CNTNAP2: variants seen among roughly 807,000 people sequenced by gnomAD.
CNTNAP2 encodes the protein contactin-associated protein-like 2.
In CNTNAP2, 98 loss-of-function variants were observed where a neutral mutation model predicts 155.2. The ratio of observed to expected loss-of-function variants is 0.63; its 90% CI spans 0.54 to 0.75. The LOEUF (loss-of-function observed/expected upper bound fraction) is 0.75, where lower values mean the gene tolerates loss of function less well. CNTNAP2 is among the 30% of genes least tolerant of loss of function. The pLI is 0.00. For missense variants in CNTNAP2, 1,727 were observed against 1,688.1 expected (o/e 1.02, Z -0.40); for synonymous variants, 651 against 631.2 (o/e 1.03, Z -0.47).
chr7:146,231,727 C>T (rs542760802), intron 1 of CNTNAP2, among the ~76,000 whole-genome samples: 7 of 152,232 alleles, frequency 4.6e-5, no homozygotes, highest in Non-Finnish European at 1.0e-4. Context: ...TCTATAATTG[C>T]TCTGATGAAG....
rs117300141 is a variant in CNTNAP2, at chr7:148,128,960, A to G, written c.2554+10672A>G. Among the ~76,000 whole-genome samples, 1,056 of 152,126 alleles carry G rather than the reference A, an allele frequency of 6.9e-3. 8 individuals are homozygous for G. Among genetic ancestry groups the G allele is most frequent in the South Asian group, 0.02 (97 of 4,814 alleles). On this transcript the variant is annotated intron_variant, in intron 16 of 23. Transcript: ENST00000361727. ...ACATCGCCTTTCCTCCCCATCGTGG[A>G]GGGTACCTTCCTGGTACCAGGAAGG... is the stretch of plus-strand genomic sequence containing the variant.
At chr7:147,024,349 G>T (rs1306594226) in intron 3 of CNTNAP2, among the ~76,000 whole-genome samples, 1 of 152,308 alleles carries the variant, frequency 6.6e-6, no homozygotes, top group African/African-American at 2.4e-5. Flanking sequence ...ATAAAAACTA[G>T]TTAAATCAGA....
intron 3 of CNTNAP2, among the ~76,000 whole-genome samples, chr7:147,006,688 A>C (rs1436957223): frequency 2.0e-5 from 3 of 152,208 alleles, no homozygotes; most frequent in East Asian, 3.9e-4. Context: ...TAATAAGGAA[A>C]ATTTATGAGT....
chr7:148,159,032 C>A (rs1460324427), intron 17 of CNTNAP2, among the ~76,000 whole-genome samples: 1 of 152,092 alleles, frequency 6.6e-6, no homozygotes, highest in Non-Finnish European at 1.5e-5. Context: ...AAAAAGAGGC[C>A]CACTTTTAGT....
intron 17 of CNTNAP2, among the ~76,000 whole-genome samples, chr7:148,165,764 C>G (rs1272630936): frequency 6.6e-6 from 1 of 151,980 alleles, no homozygotes; most frequent in Non-Finnish European, 1.5e-5. Context: ...GCCTCCCATA[C>G]ATCAAATTGT....
rs562307791 is a variant in CNTNAP2, at chr7:148,400,748, G to A, written c.3716-8643G>A. ...TGTAATCCAAGCACTTTGGGAGGCTGAGGCAAGCAGATCACGAGGTCAGGA... is the reference window on the plus strand; with the variant it reads ...TGTAATCCAAGCACTTTGGGAGGCTAAGGCAAGCAGATCACGAGGTCAGGA... On this transcript the variant is annotated intron_variant, in intron 22 of 23. Transcript: ENST00000361727. Among the ~76,000 whole-genome samples the A allele has an allele frequency of 7.4e-4, 112 of 152,312 alleles. 1 individual carries two copies. The highest frequency in any genetic ancestry group is 2.5e-3 in the African/African-American group (105 of 41,570).
chr7:146,216,021 G>A (rs1209185752), intron 1 of CNTNAP2, among the ~76,000 whole-genome samples: 1 of 152,314 alleles, frequency 6.6e-6, no homozygotes, highest in Non-Finnish European at 1.5e-5. Flanking sequence ...AGTTGCTAAA[G>A]TCAAAACAGG....
At chr7:146,445,475 A>C (rs1290372655) in intron 1 of CNTNAP2, among the ~76,000 whole-genome samples, 1 of 152,218 alleles carries the variant, frequency 6.6e-6, no homozygotes, top group Non-Finnish European at 1.5e-5. Flanking sequence ...AGGTAACAAA[A>C]GAGTTCCCAG....
chr7:147,416,146 C>G (rs1420048192), intron 10 of CNTNAP2, among the ~76,000 whole-genome samples: 2 of 152,180 alleles, frequency 1.3e-5, no homozygotes, highest in African/African-American at 2.4e-5. Flanking sequence ...CTATTTCTTT[C>G]CATCAGCCTC....
chr7:148,117,143 C>T (rs1194098630), intron 15 of CNTNAP2, among the ~76,000 whole-genome samples: 3 of 152,208 alleles, frequency 2.0e-5, no homozygotes, highest in African/African-American at 7.2e-5. Context: ...CTGCGAGCTG[C>T]TTTTCTCCTG....
chr7:147,172,534 T>G (rs1802250469), intron 8 of CNTNAP2, among the ~76,000 whole-genome samples: 1 of 152,306 alleles, frequency 6.6e-6, no homozygotes, highest in East Asian at 1.9e-4. Context: ...AATCAAATAT[T>G]TTTTCAGAGT....
chr7:146,166,013 G>A (rs1366432303), intron 1 of CNTNAP2, among the ~76,000 whole-genome samples: 2 of 152,036 alleles, frequency 1.3e-5, no homozygotes, highest in South Asian at 2.1e-4. Context: ...ATAAATTATA[G>A]GTTTATTTTG....
chr7:146,773,871 G>A (rs1381437040), intron 1 of CNTNAP2, among the ~76,000 whole-genome samples: 2 of 152,132 alleles, frequency 1.3e-5, no homozygotes, highest in Non-Finnish European at 2.9e-5. Context: ...GCTTTGGTAG[G>A]AGTCCTCTTT....
At chr7:147,866,328 TTTAC>T (rs1415972924) in intron 13 of CNTNAP2, among the ~76,000 whole-genome samples, 2 of 152,172 alleles carry the variant, frequency 1.3e-5, no homozygotes, top group African/African-American at 4.8e-5. Flanking sequence ...TGAGGAGTGT[TTTAC>T]TTCCAATTTT....
chr7:146,416,283 T>C (rs1283306198), intron 1 of CNTNAP2, among the ~76,000 whole-genome samples: 1 of 150,420 alleles, frequency 6.6e-6, no homozygotes, highest in Admixed American at 6.7e-5. Context: ...TACCTATATA[T>C]ATACCTATAT....
At chr7:146,757,702 T>C (rs1178468588) in intron 1 of CNTNAP2, among the ~76,000 whole-genome samples, 3 of 152,152 alleles carry the variant, frequency 2.0e-5, no homozygotes, top group African/African-American at 7.2e-5. Flanking sequence ...TCAGTAAAAA[T>C]ATAGGTGTTG....
At chr7:146,692,953 C>T (rs1285945223) in intron 1 of CNTNAP2, among the ~76,000 whole-genome samples, 1 of 152,084 alleles carries the variant, frequency 6.6e-6, no homozygotes, top group Non-Finnish European at 1.5e-5. Context: ...ATCCATTATG[C>T]TCTTAAGTAT....
intron 1 of CNTNAP2, among the ~76,000 whole-genome samples, chr7:146,135,216 A>G (rs974271087): frequency 2.0e-5 from 3 of 152,140 alleles, no homozygotes; most frequent in Admixed American, 6.6e-5. Flanking sequence ...TTAGAGGAAG[A>G]AAATTTTAAA....
intron 3 of CNTNAP2, among the ~76,000 whole-genome samples, chr7:146,997,466 G>T (rs113280946): frequency 6.6e-6 from 1 of 152,032 alleles, no homozygotes; most frequent in Non-Finnish European, 1.5e-5. Context: ...GTTGAATTTG[G>T]TTTACTAGTA....
Sources: gnomAD v4.1 joint callset for allele counts (sites outside exome capture counted in the v4.1 genomes callset) on GRCh38, gnomAD v4.1.1 for gene constraint, MANE v1.5 for transcripts, NCBI Gene and HGNC (gene_info 2026-07-23, HGNC 2026-07-21) for gene names.